HMGXB3: variants seen among roughly 807,000 people sequenced by gnomAD.
The protein encoded by HMGXB3 is HMG domain-containing protein 3.
HMGXB3 carries 45 observed loss-of-function variants against 121.5 expected under a neutral mutation model. That is an observed-to-expected ratio of 0.37 (90% CI 0.29 to 0.47). The LOEUF (loss-of-function observed/expected upper bound fraction) is 0.47. Ranked by LOEUF, HMGXB3 falls within the 20% of genes least tolerant of loss-of-function variation. The probability of loss-of-function intolerance (pLI) is 0.99; values close to 1 mark genes in which losing one functional copy is unlikely to be tolerated. For synonymous variants in HMGXB3, 590 were observed against 624.1 expected, an observed-to-expected ratio of 0.95 and a Z score of 0.81; for missense variants, 1,376 against 1,602.2, an observed-to-expected ratio of 0.86 and a Z score of 2.41.
chr5:150,046,546 C>T lies in HMGXB3; in HGVS notation c.2950+861C>T, dbSNP rs192599746. ...TAGATATTGAGGCTGGGCACGGTGG[C>T]TCACGCCTGTAATCCCAGCACTTTG... On this transcript the variant is annotated intron_variant, in intron 16 of 19. Coordinates refer to ENST00000502717, the MANE Select transcript of HMGXB3 (RefSeq NM_014983.3). Among the ~76,000 whole-genome samples, 6 of 152,342 alleles carry T rather than the reference C, an allele frequency of 3.9e-5. No homozygotes were observed. The East Asian group carries it at 9.7e-4, about 25-fold the overall frequency.
At chr5:150,003,073 G>C (rs1241114968) in intron 1 of HMGXB3, among the ~76,000 whole-genome samples, 1 of 152,172 alleles carries the variant, frequency 6.6e-6, no homozygotes, top group Non-Finnish European at 1.5e-5. Context: ...AGCCTGGGAG[G>C]TGGAGACTGC....
At chr5:150,004,072 G>A (rs1304359971) in intron 1 of HMGXB3, among the ~76,000 whole-genome samples, 2 of 149,510 alleles carry the variant, frequency 1.3e-5, no homozygotes, top group Non-Finnish European at 3.0e-5. Flanking sequence ...GTCTCACTAT[G>A]TTGACCAAGC....
chr5:150,039,784 A>G (rs144690775), intron 13 of HMGXB3, among the ~76,000 whole-genome samples: 2,119 of 152,212 alleles, frequency 0.014, 169 homozygotes, highest in Admixed American at 0.13. Context: ...AAATATTTGT[A>G]TGGGACCAGA....
At position 150,036,948 on chromosome 5, in the gene HMGXB3, C is replaced by T; in HGVS notation, c.2285+11C>T. 4.5e-6 allele frequency: 7 copies of T among 1,543,144 alleles called. No homozygotes were observed. The highest frequency in any genetic ancestry group is 6.1e-6 in the Non-Finnish European group (7 of 1,142,450). On this transcript the variant is annotated intron_variant, in intron 12 of 19. Coordinates refer to ENST00000502717, the MANE Select transcript of HMGXB3 (RefSeq NM_014983.3). ...CAAAGGGGGACAAAAGTAAGCACCC[C>T]TTAACTCTGCCCCTAGCTACCCCAT...
At chr5:150,039,649 G>A (rs948141900) in intron 13 of HMGXB3, among the ~76,000 whole-genome samples, 1 of 151,900 alleles carries the variant, frequency 6.6e-6, no homozygotes, top group Non-Finnish European at 1.5e-5. Context: ...TTTGTTGACA[G>A]TTTTCTCCCA....
chr5:150,049,418 C>CA (rs958960888), intron 18 of HMGXB3, among the ~76,000 whole-genome samples: 1 of 151,694 alleles, frequency 6.6e-6, no homozygotes, highest in Non-Finnish European at 1.5e-5. Flanking sequence ...AAACCCCCCC[C>CA]CTTAACAGGT....
chr5:150,022,196 CT>C (rs1756113628), intron 6 of HMGXB3, among the ~76,000 whole-genome samples: 1 of 152,184 alleles, frequency 6.6e-6, no homozygotes, highest in African/African-American at 2.4e-5. Context: ...ACACCCCGAT[CT>C]ATTAATAAGA....
chr5:150,016,140 T>C (rs114999356), intron 5 of HMGXB3, among the ~76,000 whole-genome samples: 1 of 151,596 alleles, frequency 6.6e-6, no homozygotes, highest in African/African-American at 2.4e-5. Context: ...AGCCCAGGAG[T>C]TCAAGACCAG....
chr5:150,052,031 A>G lies in HMGXB3; in HGVS notation c.3718A>G (p.Ser1240Gly), dbSNP rs1366458345. The change falls in exon 20 of 20, where the codon AGC (serine) becomes GGC (glycine). Residue 1240 changes from serine to glycine, a missense_variant. Transcript: ENST00000502717. The stretch of plus-strand genomic sequence containing the variant: ...CAACCGCCTCATGGACTTCCTCACC[A>G]GCCGCGAAATTGTCAATCGTCAGAT... ...LYNRLMDFLT[S>G]REIVNRQIHD... The G allele has an allele frequency of 6.4e-7, 1 of 1,552,086 alleles. No homozygotes were observed. The highest frequency in any genetic ancestry group is 2.0e-5 in the Admixed American group (1 of 51,016).
At position 150,051,850 on chromosome 5, in the gene HMGXB3, C is replaced by T; in HGVS notation, c.3537C>T (p.Pro1179=). The T allele has an allele frequency of 1.3e-6, 2 of 1,550,832 alleles. No homozygotes were observed. The highest frequency in any genetic ancestry group is 1.7e-6 in the Non-Finnish European group (2 of 1,147,086). The part of the protein sequence containing the change: ...TRRIVHAGLQ[P]NPGDPSAGHH... ...GCATCGTCCATGCAGGCCTACAGCC[C>T]AATCCTGGTGACCCCAGTGCTGGGC... The change falls in exon 20 of 20, where the codon CCC becomes CCT. Residue 1179 remains proline, a synonymous_variant. Transcript: ENST00000502717.
chr5:150,001,320 A>T (rs1157702704), intron 1 of HMGXB3, 141 bp downstream of exon 1: 1 of 152,302 alleles, frequency 6.6e-6, no homozygotes, highest in East Asian at 1.9e-4. Context: ...CGTATGGGAC[A>T]TTCGGATGTC....
At chr5:150,032,808 A>G (rs148564159) in intron 11 of HMGXB3, among the ~76,000 whole-genome samples, 9 of 152,260 alleles carry the variant, frequency 5.9e-5, no homozygotes, top group Non-Finnish European at 1.3e-4. Flanking sequence ...GGGGTTGACT[A>G]GGTATCTTGA....
Position 150,032,506 on chromosome 5 carries a change from G to C in HMGXB3, c.1886G>C (p.Cys629Ser). 2 of 1,551,884 alleles carry C rather than the reference G, an allele frequency of 1.3e-6. No individual in the cohort carries two copies. The highest frequency in any genetic ancestry group is 1.7e-6 in the Non-Finnish European group (2 of 1,147,024). The change falls in exon 11 of 20, where the codon TGT becomes TCT. Residue 629 changes from cysteine to serine, a missense_variant. This residue lies in a region of HMGXB3 where 1,116 missense variants were observed against 1,369.0 expected (regional missense o/e 0.82). Transcript: ENST00000502717. ...CGGGGAAAGTGCAAGAATCCCTCTT[G>C]TAGCTATGTCTACACCAACAGGCAC... ...RGRGKCKNPS[C>S]SYVYTNRHKP...
In HMGXB3 at chr5:150,052,160, G is replaced by A. The variant is rs1756927952; in HGVS notation, c.3847G>A (p.Glu1283Lys). 6.5e-7 allele frequency: 1 copy of A among 1,547,710 alleles called. No individual in the cohort carries two copies. ...CAAGACAGAGACAGAGGAGGAGGGT[G>A]AGGAAGAGGAGGTGGCCGCAGTGGC... ...QIKTETEEEGEEEEVAAVAE is the reference protein window; with the variant it reads ...QIKTETEEEGKEEEVAAVAE Residue 1283 changes from glutamate to lysine, a missense_variant, in exon 20 of 20, where the codon GAG becomes AAG. Glu to Lys is a moderately conservative substitution (Grantham distance 56, BLOSUM62 1). This residue lies in a region of HMGXB3 where 260 missense variants were observed against 233.2 expected (regional missense o/e 1.11). Transcript: ENST00000502717.
chr5:150,011,721 C>G (rs1755845685), intron 4 of HMGXB3, among the ~76,000 whole-genome samples: 1 of 151,322 alleles, frequency 6.6e-6, no homozygotes. Flanking sequence ...TCTCCTGCCT[C>G]AGCCTCCAAG....
Position 150,027,131 on chromosome 5 carries a change from T to G in HMGXB3, c.1734+14T>G. 2 of 1,547,966 alleles carry G rather than the reference T, an allele frequency of 1.3e-6. No individual in the cohort carries two copies. The highest frequency in any genetic ancestry group is 8.7e-7 in the Non-Finnish European group (1 of 1,144,746). On this transcript the variant is annotated intron_variant, in intron 9 of 19. Coordinates refer to ENST00000502717, the MANE Select transcript of HMGXB3 (RefSeq NM_014983.3). ...GGTGAGGTGAAGGTAAGGCCCATTTTCCAGAGTGGGAGCTGTTTGAGGGTC... is the reference window on the plus strand; with the variant it reads ...GGTGAGGTGAAGGTAAGGCCCATTTGCCAGAGTGGGAGCTGTTTGAGGGTC...
In HMGXB3 at chr5:150,052,774, AAC is replaced by A. The variant is rs1491321345; in HGVS notation, c.*584_*585del. On this transcript the variant is annotated 3_prime_UTR_variant, in exon 20 of 20. Coordinates refer to ENST00000502717, the MANE Select transcript of HMGXB3 (RefSeq NM_014983.3). ...ATTTGGGGGAAGCTGAGGAGGGAGGAACAGTCAGCCACAGCTCTCTTCCAGCA... is the reference window on the plus strand; with the variant it reads ...ATTTGGGGGAAGCTGAGGAGGGAGGAAGTCAGCCACAGCTCTCTTCCAGCA... 2.6e-5 allele frequency: 4 copies of A among 153,938 alleles called. No homozygotes were observed. Among genetic ancestry groups the A allele is most frequent in the African/African-American group, 9.7e-5 (4 of 41,376 alleles). The allele number at this position is 153,938 out of a possible 1,614,324, so 9.5% of individuals were successfully genotyped here. A position where few individuals can be genotyped will look rare whatever the true frequency, so the allele number is the denominator to read the frequency against.
At chr5:150,033,037 GT>G (rs1275328996) in intron 11 of HMGXB3, among the ~76,000 whole-genome samples, 1 of 152,154 alleles carries the variant, frequency 6.6e-6, no homozygotes, top group African/African-American at 2.4e-5. Context: ...AAAGCTTTTA[GT>G]TAATCAAAGC....
Position 150,048,607 on chromosome 5 carries a change from T to G in HMGXB3, c.3123T>G (p.Ser1041=), listed in dbSNP as rs1756816450. Residue 1041 remains serine, a synonymous_variant, in exon 18 of 20, where the codon TCT becomes TCG. Coordinates refer to ENST00000502717, the MANE Select transcript of HMGXB3 (RefSeq NM_014983.3). ...LCFSLLALYE[S]VQNGARAIRP... is the part of the protein sequence containing the mutation. The stretch of plus-strand genomic sequence containing the variant: ...TCTCCTTGTTGGCCCTCTACGAATC[T>G]GTACAGAATGGAGCTAGAGCTATAC... 5 of 1,551,984 alleles carry G rather than the reference T, an allele frequency of 3.2e-6. No homozygotes were observed. The highest frequency in any genetic ancestry group is 1.4e-5 in the African/African-American group (1 of 73,140).
Sources: allele counts gnomAD v4.1 joint callset (sites outside exome capture counted in the v4.1 genomes callset), GRCh38; gene constraint gnomAD v4.1.1; regional missense constraint gnomAD v4.1.1; transcripts MANE v1.5; gene names NCBI Gene and HGNC (gene_info 2026-07-23, HGNC 2026-07-21).